The following ATAT1 variants were observed in gnomAD, a reference collection of about 807,000 sequenced individuals.
ATAT1 encodes alpha-tubulin N-acetyltransferase 1.
A neutral mutation model predicts 57.2 loss-of-function variants in ATAT1; 42 were observed. The ratio of observed to expected loss-of-function variants is 0.73; its 90% CI spans 0.57 to 0.95. The LOEUF (loss-of-function observed/expected upper bound fraction) is 0.95, where lower values mean the gene tolerates loss of function less well. Among genes scored for constraint, ATAT1 ranks in the 40% least tolerant of loss-of-function variants. ATAT1 has a pLI of 0.00. For synonymous variants in ATAT1, 168 were observed against 187.1 expected (o/e 0.90, Z 0.83); for missense variants, 454 against 523.7 (o/e 0.87, Z 1.30).
chr6:30,642,833 G>GGGGGGGCGCCCCCCCCCCCCCCC lies in ATAT1; in HGVS notation c.754_755insGGGGGGCGCCCCCCCCCCCCCCC (p.Ala252GlyfsTer75). ...GGCCCCTCGCCGCGCCACACCTCCA[G>GGGGGGGCGCCCCCCCCCCCCCCC]CCCACCCACCCCCCCGCTCCAGCAG... On this transcript the variant is annotated frameshift_variant, in exon 10 of 13. Coordinates refer to ENST00000330083, the MANE Select transcript of ATAT1 (RefSeq NM_001031722.4). LOFTEE classifies it high-confidence loss of function. The GGGGGGGCGCCCCCCCCCCCCCCC allele has an allele frequency of 6.5e-7, 1 of 1,537,870 alleles. No homozygotes were observed. Among genetic ancestry groups the GGGGGGGCGCCCCCCCCCCCCCCC allele is most frequent in the Non-Finnish European group, 8.7e-7 (1 of 1,145,776 alleles).
intron 10 of ATAT1, chr6:30,644,539 A>C: frequency 1.0e-6 from 1 of 985,688 alleles, no homozygotes; most frequent in Non-Finnish European, 1.2e-6. Context: ...GTGTTTCCTG[A>C]AATCCTTGGG....
At chr6:30,628,185 C>G in intron 5 of ATAT1, 40 bp downstream of exon 5, 4 of 1,578,126 alleles carry the variant, frequency 2.5e-6, no homozygotes, top group Non-Finnish European at 3.5e-6. Context: ...AAACTAGGGG[C>G]TCCTTTGCCC....
chr6:30,639,464 CTT>C (rs201497779), intron 6 of ATAT1, among the ~76,000 whole-genome samples: 2,054 of 150,104 alleles, frequency 0.014, 19 homozygotes, highest in Middle Eastern at 0.035. Flanking sequence ...TGTAGATTGT[CTT>C]TTCACTTTCT....
chr6:30,634,909 A>C (rs1763736512), intron 6 of ATAT1, among the ~76,000 whole-genome samples: 2 of 151,744 alleles, frequency 1.3e-5, no homozygotes, highest in African/African-American at 4.8e-5. Context: ...AATGGCGTGA[A>C]CCCGGGAGGC....
chr6:30,637,444 C>T (rs568356587), intron 6 of ATAT1, among the ~76,000 whole-genome samples: 2 of 151,782 alleles, frequency 1.3e-5, no homozygotes, highest in Non-Finnish European at 2.9e-5. Flanking sequence ...GATCACGGCT[C>T]ACTGCAGTCT....
Position 30,642,833 on chromosome 6 carries a change from G to GTCCCCCCCCCC in ATAT1, c.754_755insTCCCCCCCCCC (p.Ala252ValfsTer71). The stretch of plus-strand genomic sequence containing the variant: ...GGCCCCTCGCCGCGCCACACCTCCA[G>GTCCCCCCCCCC]CCCACCCACCCCCCCGCTCCAGCAG... On this transcript the variant is annotated frameshift_variant, in exon 10 of 13. Transcript: ENST00000330083. LOFTEE classifies it high-confidence loss of function. 3 of 1,537,878 alleles carry GTCCCCCCCCCC rather than the reference G, an allele frequency of 2.0e-6. No individual in the cohort carries two copies. Among genetic ancestry groups the GTCCCCCCCCCC allele is most frequent in the South Asian group, 2.3e-5 (2 of 86,358 alleles).
intron 10 of ATAT1, 124 bp downstream of exon 10, chr6:30,643,135 GA>G: frequency 6.6e-7 from 1 of 1,507,616 alleles, no homozygotes; most frequent in Non-Finnish European, 8.8e-7. Flanking sequence ...GGGGGGTCCT[GA>G]AACCTTTCAA....
rs563394783 is a variant in ATAT1 at position 30,646,729 on chromosome 6, ACATT to A, written c.*105_*108del. On this transcript the variant is annotated 3_prime_UTR_variant, in exon 13 of 13. Coordinates refer to ENST00000330083, the MANE Select transcript of ATAT1 (RefSeq NM_001031722.4). ...AGCCCAACCCTCATAATAGATGGAT[ACATT>A]CATTCATTCATTCATTCAGCAGGCT... The A allele has an allele frequency of 8.7e-5, 122 of 1,397,274 alleles. No individual in the cohort carries two copies. Among genetic ancestry groups the A allele is most frequent in the South Asian group, 1.9e-4 (12 of 61,814 alleles). 86.6% of individuals were successfully genotyped at this position (1,397,274 alleles called of 1,614,324 possible).
intron 8 of ATAT1, among the ~76,000 whole-genome samples, chr6:30,641,527 CTCT>C (rs1330754366): frequency 1.3e-5 from 2 of 152,128 alleles, no homozygotes; most frequent in Non-Finnish European, 2.9e-5. Flanking sequence ...GATGGAGAAT[CTCT>C]TGAGAGGGAA....
chr6:30,628,610 G>A (rs893375715), intron 6 of ATAT1, among the ~76,000 whole-genome samples, 180 bp downstream of exon 6: 11 of 151,624 alleles, frequency 7.3e-5, no homozygotes, highest in African/African-American at 2.4e-4. Context: ...CATCTATTTT[G>A]ATTTTTTTTT....
chr6:30,643,507 C>T (rs1765991423), intron 10 of ATAT1: 1 of 1,550,712 alleles, frequency 6.4e-7, no homozygotes, highest in Non-Finnish European at 8.7e-7. Flanking sequence ...CCCTTCCTCC[C>T]ATCCATAACA....
At chr6:30,642,334 G>A (rs773784307) in intron 9 of ATAT1, 87 bp downstream of exon 9, 107 of 1,568,758 alleles carry the variant, frequency 6.8e-5, no homozygotes, top group Non-Finnish European at 8.7e-5. Context: ...GAAAGGATTC[G>A]TTCTCTCTAA....
At chr6:30,628,758 C>T (rs1376470167) in intron 6 of ATAT1, among the ~76,000 whole-genome samples, 1 of 152,048 alleles carries the variant, frequency 6.6e-6, no homozygotes, top group Non-Finnish European at 1.5e-5. Context: ...GCACCCACCA[C>T]CACACCCAGC....
In ATAT1 at chr6:30,627,143, GA is replaced by G. The variant is rs1761839192; in HGVS notation, c.-60del. 5.6e-6 allele frequency: 9 copies of G among 1,608,508 alleles called. No individual in the cohort carries two copies. The Admixed American group carries it at 1.5e-4, about 27-fold the overall frequency. On this transcript the variant is annotated 5_prime_UTR_variant, in exon 1 of 13. Transcript: ENST00000330083. ...TGACCTCTGACCCTGGGCCTAGTGG[GA>G]TTGATCAGCGCTTGGATCTGTGACC...
chr6:30,641,890 G>C, intron 8 of ATAT1: 1 of 1,245,932 alleles, frequency 8.0e-7, no homozygotes. Flanking sequence ...CACTTCCCTT[G>C]GCTGCCCTTC....
chr6:30,642,642 CA>C (rs1561928582), intron 9 of ATAT1, 125 bp from the exon 10 acceptor site: 1 of 708,874 alleles, frequency 1.4e-6, no homozygotes, highest in African/African-American at 1.9e-5. Flanking sequence ...GACTCCGTCT[CA>C]AAAAAGAAAA....
chr6:30,642,821 G>T lies in ATAT1; in HGVS notation c.742G>T (p.Ala248Ser). The change falls in exon 10 of 13, where the codon GCC becomes TCC. Residue 248 changes from alanine to serine, a missense_variant. By Grantham distance (99) the Ala-to-Ser change is moderately conservative. Coordinates refer to ENST00000330083, the MANE Select transcript of ATAT1 (RefSeq NM_001031722.4). ...GCCCCTAAACAGGGCCCCTCGCCGC[G>T]CCACACCTCCAGCCCACCCACCCCC... 6.2e-7 allele frequency: 1 copy of T among 1,610,130 alleles called. No individual in the cohort carries two copies.
At chr6:30,635,884 A>G (rs1275816319) in intron 6 of ATAT1, among the ~76,000 whole-genome samples, 1 of 152,238 alleles carries the variant, frequency 6.6e-6, no homozygotes, top group Non-Finnish European at 1.5e-5. Context: ...GGGAATAGAA[A>G]TAGAGCAAGA....
intron 10 of ATAT1, among the ~76,000 whole-genome samples, chr6:30,644,891 T>C (rs1766356004): frequency 6.6e-6 from 1 of 152,162 alleles, no homozygotes. Context: ...GTGTGTGGGC[T>C]TCCGTATCTA....
Sources: gnomAD v4.1 joint callset for allele counts (sites outside exome capture counted in the v4.1 genomes callset) on GRCh38, gnomAD v4.1.1 for gene constraint, MANE v1.5 for transcripts, NCBI Gene and HGNC (gene_info 2026-07-23, HGNC 2026-07-21) for gene names.